Variants in PTPRR observed in about 807,000 individuals in gnomAD.
PTPRR encodes receptor-type tyrosine-protein phosphatase R.
A neutral mutation model predicts 77.2 loss-of-function variants in PTPRR; 38 were observed. The observed-to-expected ratio is 0.49, with a 90% CI of 0.38 to 0.65. The LOEUF (loss-of-function observed/expected upper bound fraction) is 0.65, where lower values mean the gene tolerates loss of function less well. PTPRR is among the 30% of genes least tolerant of loss of function. The pLI is 0.00. For synonymous variants in PTPRR, 299 were observed against 283.1 expected, an observed-to-expected ratio of 1.06 and a Z score of -0.57; for missense variants, 744 against 799.2, an observed-to-expected ratio of 0.93 and a Z score of 0.83.
intron 2 of PTPRR, among the ~76,000 whole-genome samples, chr12:70,832,894 T>C (rs1180580155): frequency 6.6e-6 from 1 of 151,708 alleles, no homozygotes; most frequent in Non-Finnish European, 1.5e-5. Context: ...TTGGTGAGAG[T>C]GGGAGCAAGA....
intron 1 of PTPRR, among the ~76,000 whole-genome samples, chr12:70,919,573 A>G (rs1432174311): frequency 6.7e-6 from 1 of 149,298 alleles, no homozygotes; most frequent in African/African-American, 2.4e-5. Context: ...AAATCTATTT[A>G]TATTTGGGAG....
intron 13 of PTPRR, among the ~76,000 whole-genome samples, chr12:70,652,757 A>G (rs1033605769): frequency 6.6e-6 from 1 of 152,208 alleles, no homozygotes. Context: ...GAGCAGATAG[A>G]GGAGGCATTG....
At chr12:70,757,477 T>C (rs1017178543) in intron 4 of PTPRR, among the ~76,000 whole-genome samples, 6 of 152,196 alleles carry the variant, frequency 3.9e-5, no homozygotes, top group Non-Finnish European at 7.4e-5. Context: ...TATGAGTGCC[T>C]ATAATGTTCT....
chr12:70,874,249 G>C (rs950642318), intron 2 of PTPRR, among the ~76,000 whole-genome samples: 6 of 152,136 alleles, frequency 3.9e-5, no homozygotes, highest in Admixed American at 2.6e-4. Flanking sequence ...AAAGTCCCCT[G>C]ATTTTAATGC....
intron 2 of PTPRR, among the ~76,000 whole-genome samples, chr12:70,892,343 T>C (rs1297677319): frequency 2.0e-5 from 3 of 152,022 alleles, no homozygotes; most frequent in Non-Finnish European, 1.5e-5. Flanking sequence ...TAAAACAGAT[T>C]CTCACAGAAG....
chr12:70,852,263 A>G (rs1892583693), intron 2 of PTPRR, among the ~76,000 whole-genome samples: 2 of 152,318 alleles, frequency 1.3e-5, no homozygotes, highest in African/African-American at 2.4e-5. Context: ...CAATTATTCA[A>G]ATTATTCATT....
chr12:70,716,475 T>G (rs1889036067), intron 6 of PTPRR, among the ~76,000 whole-genome samples: 1 of 152,222 alleles, frequency 6.6e-6, no homozygotes, highest in Admixed American at 6.5e-5. Context: ...AAATGTACTT[T>G]TTTTGTAATA....
intron 10 of PTPRR, among the ~76,000 whole-genome samples, chr12:70,674,144 A>G (rs1015459526): frequency 6.6e-6 from 1 of 152,132 alleles, no homozygotes; most frequent in African/African-American, 2.4e-5. Context: ...TACATTGTCT[A>G]GGCTGGTCTC....
intron 2 of PTPRR, among the ~76,000 whole-genome samples, chr12:70,872,747 T>C (rs1892983945): frequency 6.9e-6 from 1 of 145,226 alleles, no homozygotes; most frequent in Non-Finnish European, 1.5e-5. Flanking sequence ...CCATTTTGCC[T>C]TTTCAGGGCA....
chr12:70,872,890 A>G (rs1266690809), intron 2 of PTPRR, among the ~76,000 whole-genome samples: 3 of 152,146 alleles, frequency 2.0e-5, no homozygotes, highest in African/African-American at 7.2e-5. Context: ...TAGAAGAAAT[A>G]TAACAATGAA....
intron 2 of PTPRR, among the ~76,000 whole-genome samples, chr12:70,856,125 A>G (rs982719197): frequency 1.3e-5 from 2 of 152,008 alleles, no homozygotes; most frequent in African/African-American, 4.8e-5. Flanking sequence ...ACTCACTCTC[A>G]CTCATGTATT....
At chr12:70,850,970 A>G (rs1325783766) in intron 2 of PTPRR, among the ~76,000 whole-genome samples, 1 of 151,972 alleles carries the variant, frequency 6.6e-6, no homozygotes, top group Non-Finnish European at 1.5e-5. Flanking sequence ...CTTTTACTTC[A>G]GTCTCATATA....
intron 2 of PTPRR, among the ~76,000 whole-genome samples, chr12:70,784,904 T>C (rs182743010): frequency 1.3e-5 from 2 of 152,308 alleles, no homozygotes; most frequent in East Asian, 1.9e-4. Context: ...TTACTGATTA[T>C]TACACTTGTC....
chr12:70,792,941 T>C (rs1373610144), intron 2 of PTPRR, among the ~76,000 whole-genome samples: 1 of 152,064 alleles, frequency 6.6e-6, no homozygotes, highest in Non-Finnish European at 1.5e-5. Flanking sequence ...AAAAACCAAA[T>C]TTATGGTGAA....
intron 6 of PTPRR, among the ~76,000 whole-genome samples, chr12:70,724,424 A>G (rs1192057617): frequency 1.3e-5 from 2 of 152,198 alleles, no homozygotes; most frequent in Non-Finnish European, 2.9e-5. Flanking sequence ...GAATTCTATG[A>G]GGCTTAATTG....
At chr12:70,771,021 G>A (rs1465124283) in intron 2 of PTPRR, among the ~76,000 whole-genome samples, 1 of 134,780 alleles carries the variant, frequency 7.4e-6, no homozygotes, top group African/African-American at 2.7e-5. Flanking sequence ...GGGGGAGGGG[G>A]GAGGTATAGT....
intron 2 of PTPRR, among the ~76,000 whole-genome samples, chr12:70,863,111 T>C (rs1221959056): frequency 6.6e-6 from 1 of 152,198 alleles, no homozygotes. Context: ...CAGACACTTA[T>C]AATACGTAAT....
At chr12:70,713,809 T>A (rs1565661141) in intron 6 of PTPRR, among the ~76,000 whole-genome samples, 1 of 152,208 alleles carries the variant, frequency 6.6e-6, no homozygotes, top group Non-Finnish European at 1.5e-5. Flanking sequence ...ATTACATATA[T>A]GCCTTCCCAT....
At chr12:70,878,775 C>T (rs1893097753) in intron 2 of PTPRR, among the ~76,000 whole-genome samples, 2 of 152,200 alleles carry the variant, frequency 1.3e-5, no homozygotes, top group African/African-American at 4.8e-5. Flanking sequence ...GATTATAAGT[C>T]AAGCTGCTAT....
Sources: gnomAD v4.1 joint callset for allele counts (sites outside exome capture counted in the v4.1 genomes callset) on GRCh38, gnomAD v4.1.1 for gene constraint, MANE v1.5 for transcripts, NCBI Gene and HGNC (gene_info 2026-07-23, HGNC 2026-07-21) for gene names.